CCDC149: variants seen among roughly 807,000 people sequenced by gnomAD.
The protein encoded by CCDC149 is coiled-coil domain containing 149, also known as coiled-coil domain-containing protein 149.
In CCDC149, 45 loss-of-function variants were observed where a neutral mutation model predicts 59.9. That is an observed-to-expected ratio of 0.75 (90% CI 0.59 to 0.96). The LOEUF (loss-of-function observed/expected upper bound fraction) is 0.96, where lower values mean the gene tolerates loss of function less well. Ranked by LOEUF, CCDC149 falls within the 40% of genes least tolerant of loss-of-function variation. CCDC149 has a pLI of 0.00. For missense variants in CCDC149, 584 were observed against 664.7 expected (o/e 0.88, Z 1.33); for synonymous variants, 245 against 260.6 (o/e 0.94, Z 0.58).
intron 12 of CCDC149, among the ~76,000 whole-genome samples, chr4:24,814,459 T>C (rs115517325): frequency 0.016 from 2,402 of 152,272 alleles, 59 homozygotes; most frequent in African/African-American, 0.055. Flanking sequence ...CCTCCTACAC[T>C]AATCCAACCT....
At chr4:24,813,409 C>T (rs990845458) in intron 12 of CCDC149, among the ~76,000 whole-genome samples, 15 of 150,492 alleles carry the variant, frequency 1.0e-4, no homozygotes, top group Non-Finnish European at 2.1e-4. Context: ...CTTCTCCTTG[C>T]CCAATACCAA....
chr4:24,912,681 G>T, intron 1 of CCDC149, 136 bp downstream of exon 1: 1 of 452,834 alleles, frequency 2.2e-6, no homozygotes, highest in Non-Finnish European at 3.2e-6. Context: ...GGGGTCGCGC[G>T]GGTGCGGCAG....
intron 1 of CCDC149, chr4:24,895,028 G>T: frequency 6.5e-7 from 1 of 1,536,014 alleles, no homozygotes; most frequent in Non-Finnish European, 8.7e-7. Context: ...CGATGATGAT[G>T]ATGATGACGA....
intron 10 of CCDC149, 29 bp downstream of exon 10, chr4:24,822,468 G>T: frequency 7.2e-7 from 1 of 1,396,636 alleles, no homozygotes; most frequent in Non-Finnish European, 9.5e-7. Flanking sequence ...AAAAAAAAAG[G>T]AAAATTGTTT....
chr4:24,852,045 T>A (rs1272802124), intron 4 of CCDC149, among the ~76,000 whole-genome samples: 1 of 151,752 alleles, frequency 6.6e-6, no homozygotes, highest in East Asian at 1.9e-4. Context: ...GATGTTTATA[T>A]GCCCTCAAGT....
At chr4:24,979,469 T>C (rs2109377482) in intron 1 of CCDC149, among the ~76,000 whole-genome samples, 1 of 152,352 alleles carries the variant, frequency 6.6e-6, no homozygotes, top group South Asian at 2.1e-4. Context: ...AGTCCTGATC[T>C]ACTGGATCAA....
intron 11 of CCDC149, 114 bp from the exon 12 acceptor site, chr4:24,820,089 A>C: frequency 2.8e-6 from 2 of 701,998 alleles, no homozygotes; most frequent in Non-Finnish European, 4.9e-6. Flanking sequence ...CTACCATTGA[A>C]GGGAAGCCTG....
chr4:24,886,070 G>T (rs1217491117), intron 1 of CCDC149, among the ~76,000 whole-genome samples: 1 of 152,154 alleles, frequency 6.6e-6, no homozygotes, highest in Non-Finnish European at 1.5e-5. Flanking sequence ...ACCTCAAAGA[G>T]GTAAATTTAT....
upstream of CCDC149, among the ~76,000 whole-genome samples, chr4:24,916,503 C>T (rs936238852): frequency 2.0e-5 from 3 of 152,150 alleles, no homozygotes; most frequent in Non-Finnish European, 2.9e-5. Context: ...GGCCAGGTCT[C>T]GGCAGCCCCA....
intron 1 of CCDC149, among the ~76,000 whole-genome samples, chr4:24,955,461 C>T (rs929825479): frequency 6.6e-6 from 1 of 151,920 alleles, no homozygotes; most frequent in Non-Finnish European, 1.5e-5. Flanking sequence ...AGGAAATAAC[C>T]CAAGTATCCA....
intron 8 of CCDC149, among the ~76,000 whole-genome samples, chr4:24,834,661 G>A (rs1306242151): frequency 6.6e-6 from 1 of 152,200 alleles, no homozygotes; most frequent in Non-Finnish European, 1.5e-5. Flanking sequence ...GCTTCCCAAA[G>A]TGGGGTCCCT....
intron 4 of CCDC149, among the ~76,000 whole-genome samples, chr4:24,842,072 T>TG (rs1208089261): frequency 6.6e-6 from 1 of 152,192 alleles, no homozygotes; most frequent in African/African-American, 2.4e-5. Flanking sequence ...ACATACACCA[T>TG]GCAAGTTTTG....
At chr4:24,979,019 A>C (rs1471617202) in intron 1 of CCDC149, among the ~76,000 whole-genome samples, 1 of 152,208 alleles carries the variant, frequency 6.6e-6, no homozygotes, top group African/African-American at 2.4e-5. Context: ...TTGGGGGCAC[A>C]GGAATTGCAG....
intron 1 of CCDC149, among the ~76,000 whole-genome samples, chr4:24,893,842 G>A (rs899026478): frequency 6.6e-6 from 1 of 151,748 alleles, no homozygotes; most frequent in African/African-American, 2.4e-5. Context: ...CTGACCTCAG[G>A]TGATCCGCCC....
At chr4:24,848,076 G>A (rs575624674) in intron 4 of CCDC149, among the ~76,000 whole-genome samples, 5 of 152,014 alleles carry the variant, frequency 3.3e-5, no homozygotes, top group East Asian at 1.9e-4. Flanking sequence ...GATTTATATC[G>A]TATGCCATTC....
chr4:24,813,489 A>AATATATCTATATATAT lies in CCDC149; in HGVS notation c.1193-4671_1193-4670insATATATATAGATATAT, dbSNP rs1186488610. Among the ~76,000 whole-genome samples, 61 of 113,718 alleles carry AATATATCTATATATAT rather than the reference A, an allele frequency of 5.4e-4. 1 individual carries two copies. Among genetic ancestry groups the AATATATCTATATATAT allele is most frequent in the African/African-American group, 2.3e-3 (58 of 24,896 alleles). 74.6% of individuals were successfully genotyped at this position (113,718 alleles called of 152,430 possible). On this transcript the variant is annotated intron_variant, in intron 12 of 12. Coordinates refer to ENST00000635206, the MANE Select transcript of CCDC149 (RefSeq NM_001330643.2). Reference sequence around the variant, plus strand: ...TATATCCCCAAGGTTCAGCTTGGGGAATATATATATATATATATATATATA... The same window carrying AATATATCTATATATAT: ...TATATCCCCAAGGTTCAGCTTGGGGAATATATCTATATATATATATATATATATATATATATATATA...
intron 1 of CCDC149, among the ~76,000 whole-genome samples, chr4:24,885,015 G>A (rs2109269476): frequency 6.6e-6 from 1 of 152,300 alleles, no homozygotes; most frequent in South Asian, 2.1e-4. Flanking sequence ...CTGGGAAACA[G>A]CCATAGCAAA....
intron 9 of CCDC149, among the ~76,000 whole-genome samples, chr4:24,823,446 G>T (rs939983097): frequency 6.6e-6 from 1 of 152,146 alleles, no homozygotes. Context: ...TCTAAAACTT[G>T]AATCACTTTC....
intron 11 of CCDC149, among the ~76,000 whole-genome samples, chr4:24,820,429 G>C (rs1715317555): frequency 6.6e-6 from 1 of 152,096 alleles, no homozygotes; most frequent in South Asian, 2.1e-4. Flanking sequence ...GAGAGAGTTG[G>C]CAATTCTTTG....
Sources: gnomAD v4.1 joint callset for allele counts (sites outside exome capture counted in the v4.1 genomes callset) on GRCh38, gnomAD v4.1.1 for gene constraint, MANE v1.5 for transcripts, NCBI Gene and HGNC (gene_info 2026-07-23, HGNC 2026-07-21) for gene names.